Variants in TRPV5 observed in about 807,000 individuals in gnomAD.
TRPV5 encodes transient receptor potential cation channel subfamily V member 5.
A neutral mutation model predicts 74.1 loss-of-function variants in TRPV5; 66 were observed. The observed-to-expected ratio is 0.89, with a 90% confidence interval of 0.73 to 1.09. The LOEUF is 1.09. Ranked by LOEUF, TRPV5 falls within the 50% of genes least tolerant of loss-of-function variation. The pLI is 0.00. For synonymous variants in TRPV5, 399 were observed against 360.7 expected (o/e 1.11, Z -1.20); for missense variants, 936 against 930.4 (o/e 1.01, Z -0.08).
intron 13 of TRPV5, among the ~76,000 whole-genome samples, chr7:142,909,843 A>G (rs536676715): frequency 6.6e-6 from 1 of 152,316 alleles, no homozygotes; most frequent in African/African-American, 2.4e-5. Flanking sequence ...TTACATTACT[A>G]TTCACTCATG....
intron 8 of TRPV5, among the ~76,000 whole-genome samples, chr7:142,920,203 A>G (rs1795861895): frequency 6.6e-6 from 1 of 152,178 alleles, no homozygotes; most frequent in Admixed American, 6.5e-5. Context: ...GTTCCCATGT[A>G]AGTCAAGCTG....
chr7:142,921,646 C>A (rs372497274), intron 8 of TRPV5, among the ~76,000 whole-genome samples: 6 of 152,050 alleles, frequency 3.9e-5, no homozygotes, highest in Non-Finnish European at 7.4e-5. Context: ...CTTCCTACCA[C>A]CCCCCACATC....
Position 142,914,974 on chromosome 7 carries a change from G to T in TRPV5, c.1359C>A (p.Pro453=). ...RLTNTNGEVV[P]MSFALVLGWC... is the part of the protein sequence containing the mutation. ...AGCCCAGCACCAGGGCAAAGGACAT[G>T]GGCACCACCTCCCCATTGGTGTTGG... is the stretch of plus-strand genomic sequence containing the variant. The change falls in exon 11 of 15, where the codon CCC becomes CCA. Residue 453 remains proline (P), a synonymous_variant. Coordinates refer to ENST00000265310, the MANE Select transcript of TRPV5 (RefSeq NM_019841.7). 1.2e-6 allele frequency: 2 copies of T among 1,614,144 alleles called. No homozygotes were observed.
intron 4 of TRPV5, 42 bp downstream of exon 4, chr7:142,929,386 C>T (rs768319906): frequency 1.9e-6 from 3 of 1,601,682 alleles, no homozygotes; most frequent in Non-Finnish European, 2.6e-6. Context: ...GCCTTGCCCG[C>T]CTCTCCAGCC....
At chr7:142,913,929 C>T (rs1246918725) in intron 12 of TRPV5, among the ~76,000 whole-genome samples, 4 of 152,116 alleles carry the variant, frequency 2.6e-5, no homozygotes, top group Admixed American at 2.0e-4. Flanking sequence ...GGACTTTCTT[C>T]TGCTCCTCCA....
intron 2 of TRPV5, 22 bp downstream of exon 2, chr7:142,930,327 T>A (rs767550834): frequency 2.2e-5 from 36 of 1,612,264 alleles, no homozygotes; most frequent in Non-Finnish European, 2.9e-5. Flanking sequence ...CCCACCTCCA[T>A]CCCATTAAAT....
intron 8 of TRPV5, among the ~76,000 whole-genome samples, chr7:142,916,238 A>G (rs1209031644): frequency 6.6e-6 from 1 of 152,198 alleles, no homozygotes; most frequent in Non-Finnish European, 1.5e-5. Flanking sequence ...TACAGAAAAG[A>G]GCAGAGAAGG....
chr7:142,908,907 C>G lies in TRPV5; in HGVS notation c.1896-99G>C, dbSNP rs139139127. 1,110 of 1,233,662 alleles carry G rather than the reference C, an allele frequency of 9.0e-4. 2 individuals are homozygous for G. Among genetic ancestry groups the G allele is most frequent in the Non-Finnish European group, 1.1e-3 (958 of 889,188 alleles). 76.4% of individuals were successfully genotyped at this position (1,233,662 alleles called of 1,614,324 possible). A position where few individuals can be genotyped will look rare whatever the true frequency, so the allele number is the denominator to read the frequency against. Reference sequence around the variant, plus strand: ...TTAGAAAGCAGGGTCAAGAGGGAAGCAGAAATAAGGCAGCAGAGTTGAAAC... The same window carrying G: ...TTAGAAAGCAGGGTCAAGAGGGAAGGAGAAATAAGGCAGCAGAGTTGAAAC... On this transcript the variant is annotated intron_variant, in intron 14 of 14. Coordinates refer to ENST00000265310, the MANE Select transcript of TRPV5 (RefSeq NM_019841.7).
intron 1 of TRPV5, among the ~76,000 whole-genome samples, chr7:142,932,221 A>C (rs1201457443): frequency 6.6e-6 from 1 of 152,092 alleles, no homozygotes; most frequent in Non-Finnish European, 1.5e-5. Context: ...TGCACAAACA[A>C]AGTCCTTGCC....
intron 8 of TRPV5, among the ~76,000 whole-genome samples, 198 bp from the exon 9 acceptor site, chr7:142,915,766 G>T (rs1264685888): frequency 6.6e-6 from 1 of 152,180 alleles, no homozygotes; most frequent in Non-Finnish European, 1.5e-5. Flanking sequence ...AGGTTTAATA[G>T]ACGTCACATA....
rs1795940184 is a variant in TRPV5, at chr7:142,924,313, C to CATGTATATAT, written c.1122+1215_1122+1216insATATATACAT. Among the ~76,000 whole-genome samples, 2 of 24,328 alleles carry CATGTATATAT rather than the reference C, an allele frequency of 8.2e-5. 1 individual carries two copies. Among genetic ancestry groups the CATGTATATAT allele is most frequent in the African/African-American group, 2.0e-4 (2 of 9,832 alleles). The allele number at this position is 24,328 out of a possible 152,430, so 16.0% of individuals were successfully genotyped here. A position where few individuals can be genotyped will look rare whatever the true frequency, so the allele number is the denominator to read the frequency against. On this transcript the variant is annotated intron_variant, in intron 8 of 14. Transcript: ENST00000265310. ...ATGTATATATATACATATATATATA[C>CATGTATATAT]ACACATATACATGTATATATATACA...
intron 1 of TRPV5, among the ~76,000 whole-genome samples, chr7:142,932,142 C>T (rs1046964845): frequency 1.3e-5 from 2 of 152,120 alleles, no homozygotes; most frequent in African/African-American, 2.4e-5. Flanking sequence ...TCCCAGGGAG[C>T]CTGGTGTCCC....
chr7:142,919,569 A>T (rs4252466), intron 8 of TRPV5, among the ~76,000 whole-genome samples: 2,475 of 152,300 alleles, frequency 0.016, 59 homozygotes, highest in African/African-American at 0.056. Flanking sequence ...GTACTCCAAT[A>T]CATCCCTTTA....
chr7:142,909,456 A>T, intron 14 of TRPV5, 34 bp downstream of exon 14: 1 of 1,609,742 alleles, frequency 6.2e-7, no homozygotes, highest in Non-Finnish European at 8.5e-7. Flanking sequence ...CCTTATACAC[A>T]TCTGCAGTTT....
chr7:142,922,040 T>G (rs1289666180), intron 8 of TRPV5, among the ~76,000 whole-genome samples: 1 of 152,196 alleles, frequency 6.6e-6, no homozygotes, highest in Non-Finnish European at 1.5e-5. Context: ...TTTTCCCCAC[T>G]CTGTGCTTTT....
intron 1 of TRPV5, among the ~76,000 whole-genome samples, chr7:142,932,745 G>A (rs1796117080): frequency 6.6e-6 from 1 of 152,114 alleles, no homozygotes; most frequent in African/African-American, 2.4e-5. Flanking sequence ...CCAGGAGCAG[G>A]CACAAGTCTC....
In TRPV5 at chr7:142,915,571, A is replaced by G; in HGVS notation, c.1123-3T>C. The G allele has an allele frequency of 6.2e-7, 1 of 1,613,932 alleles. No individual in the cohort carries two copies. The highest frequency in any genetic ancestry group is 8.5e-7 in the Non-Finnish European group (1 of 1,179,898). ...TCTTCACGTGTCTCATAGGCCTCCT[A>G]TGTGGGGAAATTCAGAAGAAGTGCT... On this transcript the variant is annotated splice_polypyrimidine_tract_variant and splice_region_variant and intron_variant, in intron 8 of 14. Transcript: ENST00000265310.
In TRPV5 at chr7:142,908,657, G is replaced by C; in HGVS notation, c.2047C>G (p.Leu683Val). The C allele has an allele frequency of 1.2e-6, 2 of 1,614,250 alleles. No individual in the cohort carries two copies. The highest frequency in any genetic ancestry group is 1.7e-6 in the Non-Finnish European group (2 of 1,180,048). ...SGTLARASLA[L>V]PTSSLSRTAS... is the part of the protein sequence containing the mutation. ...GTCCGGGACAGGGAGGAAGTTGGAA[G>C]AGCCAAAGAGGCTCTGGCTAGAGTC... Residue 683 changes from leucine (L) to valine (V), a missense_variant, in exon 15 of 15, where the codon CTT (leucine) becomes GTT (valine). By Grantham distance (32) the Leu-to-Val change is conservative. Transcript: ENST00000265310.
intron 12 of TRPV5, among the ~76,000 whole-genome samples, chr7:142,913,264 T>C (rs770222600): frequency 2.0e-5 from 3 of 152,096 alleles, no homozygotes; most frequent in Non-Finnish European, 4.4e-5. Flanking sequence ...TGAACCAACA[T>C]AGGAAACGGA....
Sources: gnomAD v4.1 joint callset for allele counts (sites outside exome capture counted in the v4.1 genomes callset) on GRCh38, gnomAD v4.1.1 for gene constraint, MANE v1.5 for transcripts, NCBI Gene and HGNC (gene_info 2026-07-23, HGNC 2026-07-21) for gene names.